The following NELL1 variants were observed in gnomAD, a reference collection of about 807,000 sequenced individuals.
NELL1 encodes the protein protein kinase C-binding protein NELL1.
Under a neutral mutation model 107.4 loss-of-function variants are expected in NELL1, and 76 were observed. The ratio of observed to expected loss-of-function variants is 0.71; its 90% confidence interval spans 0.59 to 0.86. NELL1 has a LOEUF of 0.86. Among genes scored for constraint, NELL1 ranks in the 40% least tolerant of loss-of-function variants. The pLI is 0.00. For synonymous variants in NELL1, 353 were observed against 341.2 expected, an observed-to-expected ratio of 1.03 and a Z score of -0.38; for missense variants, 1,024 against 1,005.5, an observed-to-expected ratio of 1.02 and a Z score of -0.25.
intron 13 of NELL1, among the ~76,000 whole-genome samples, chr11:21,160,345 A>G (rs1466235543): frequency 6.6e-6 from 1 of 152,088 alleles, no homozygotes; most frequent in Non-Finnish European, 1.5e-5. Flanking sequence ...ATGCCTGGGT[A>G]TTGTTTGAAA....
At chr11:21,404,484 AT>A (rs746477009) in intron 15 of NELL1, among the ~76,000 whole-genome samples, 217 of 152,054 alleles carry the variant, frequency 1.4e-3, no homozygotes, top group Non-Finnish European at 2.1e-3. Flanking sequence ...AGATTTCTAG[AT>A]TTTGATTTGG....
chr11:21,207,904 T>C (rs1324903459), intron 13 of NELL1, among the ~76,000 whole-genome samples: 1 of 152,164 alleles, frequency 6.6e-6, no homozygotes, highest in Non-Finnish European at 1.5e-5. Context: ...TTTTTAAAAA[T>C]AAATTTTGTT....
intron 14 of NELL1, among the ~76,000 whole-genome samples, chr11:21,250,314 G>T (rs1274481445): frequency 6.6e-6 from 1 of 152,160 alleles, no homozygotes; most frequent in Non-Finnish European, 1.5e-5. Context: ...TTGTATGAAT[G>T]CATATGTGGG....
chr11:20,673,019 C>T (rs7926814), intron 1 of NELL1, among the ~76,000 whole-genome samples: 2,323 of 148,082 alleles, frequency 0.016, 85 homozygotes, highest in African/African-American at 0.055. Flanking sequence ...TGCACCACCA[C>T]GCCTAGCTAA....
chr11:21,226,878 C>G (rs1857907018), intron 13 of NELL1, among the ~76,000 whole-genome samples: 1 of 152,200 alleles, frequency 6.6e-6, no homozygotes, highest in South Asian at 2.1e-4. Flanking sequence ...GGCAGATAAA[C>G]CAACTACATT....
intron 3 of NELL1, among the ~76,000 whole-genome samples, chr11:20,797,316 G>A (rs1284812676): frequency 6.6e-6 from 1 of 152,102 alleles, no homozygotes; most frequent in Non-Finnish European, 1.5e-5. Context: ...TGTAATCCCA[G>A]CACTTTGGGA....
At chr11:21,479,388 A>T (rs1345357702) in intron 15 of NELL1, among the ~76,000 whole-genome samples, 1 of 152,178 alleles carries the variant, frequency 6.6e-6, no homozygotes, top group Non-Finnish European at 1.5e-5. Context: ...CATTTGCAAC[A>T]ACATGGATAG....
chr11:21,133,114 T>C (rs1855662863), intron 13 of NELL1, among the ~76,000 whole-genome samples: 1 of 152,052 alleles, frequency 6.6e-6, no homozygotes, highest in Non-Finnish European at 1.5e-5. Flanking sequence ...TCCCAACAAG[T>C]GTCCAGCTTA....
Position 21,413,963 on chromosome 11 carries a change from G to A in NELL1, c.1645+43015G>A, listed in dbSNP as rs370632001. On this transcript the variant is annotated intron_variant, in intron 15 of 19. Transcript: ENST00000357134. ...ATAATAGAATGATCAAGATTTTTTT[G>A]TTGTTCACAATGGTAGTAAAATCTT... Among the ~76,000 whole-genome samples the A allele has an allele frequency of 5.9e-4, 89 of 152,018 alleles. 1 individual carries two copies. Among genetic ancestry groups the A allele is most frequent in the African/African-American group, 2.0e-3 (85 of 41,498 alleles).
chr11:20,868,788 G>A (rs1849142897), intron 4 of NELL1, among the ~76,000 whole-genome samples: 1 of 151,934 alleles, frequency 6.6e-6, no homozygotes, highest in Admixed American at 6.6e-5. Context: ...CCTCATAAAA[G>A]TATTAAATTT....
chr11:20,751,667 CTT>C (rs1856143344), intron 2 of NELL1, among the ~76,000 whole-genome samples: 1 of 149,940 alleles, frequency 6.7e-6, no homozygotes, highest in African/African-American at 2.4e-5. Context: ...AAAAAAAACT[CTT>C]TTTAGAGATG....
intron 13 of NELL1, among the ~76,000 whole-genome samples, chr11:21,166,426 A>G (rs1479895353): frequency 6.6e-6 from 1 of 151,868 alleles, no homozygotes; most frequent in African/African-American, 2.4e-5. Context: ...AAATGACTAA[A>G]TTTTAAAAGT....
At chr11:21,267,508 C>T (rs778849500) in intron 14 of NELL1, among the ~76,000 whole-genome samples, 101 of 151,992 alleles carry the variant, frequency 6.6e-4, no homozygotes, top group African/African-American at 2.1e-3. Context: ...AATGCTTTTG[C>T]GAGTATGATC....
chr11:20,958,589 G>A (rs1223179415), intron 11 of NELL1, among the ~76,000 whole-genome samples: 4 of 152,156 alleles, frequency 2.6e-5, no homozygotes, highest in East Asian at 1.9e-4. Context: ...TAAAATAACC[G>A]TATACCCAGT....
At chr11:21,320,972 C>T (rs547518583) in intron 14 of NELL1, among the ~76,000 whole-genome samples, 19 of 152,234 alleles carry the variant, frequency 1.2e-4, no homozygotes, top group African/African-American at 4.1e-4. Context: ...CAAATGTGTG[C>T]CTGGAGGAAG....
At position 21,565,736 on chromosome 11, in the gene NELL1, G is replaced by A. The variant is rs1591041346; in HGVS notation, c.1981-5028G>A. On this transcript the variant is annotated intron_variant, in intron 17 of 19. Coordinates refer to ENST00000357134, the MANE Select transcript of NELL1 (RefSeq NM_006157.5). ...GGGATAAGTTTCTGTTTTGTTATTA[G>A]TTTTCTACATGGAAAAGGCATTTGC... Among the ~76,000 whole-genome samples, 3 of 152,020 alleles carry A rather than the reference G, an allele frequency of 2.0e-5. No homozygotes were observed. In the South Asian group the frequency reaches 6.2e-4, roughly 32 times the overall value.
At chr11:21,069,591 G>C (rs530672900) in intron 12 of NELL1, among the ~76,000 whole-genome samples, 5 of 152,282 alleles carry the variant, frequency 3.3e-5, no homozygotes, top group African/African-American at 1.2e-4. Context: ...TGTTTGACCT[G>C]ATGTCATCTA....
intron 12 of NELL1, among the ~76,000 whole-genome samples, chr11:20,971,956 A>G (rs1851509724): frequency 6.6e-6 from 1 of 151,208 alleles, no homozygotes; most frequent in Admixed American, 6.6e-5. Flanking sequence ...GTTCTCACTC[A>G]TAAGTGGGAG....
At chr11:21,378,299 T>C (rs1421567561) in intron 15 of NELL1, among the ~76,000 whole-genome samples, 1 of 150,076 alleles carries the variant, frequency 6.7e-6, no homozygotes, top group Non-Finnish European at 1.5e-5. Flanking sequence ...TAGATAATCA[T>C]GTCTCAGTGT....
Sources: gnomAD v4.1 joint callset for allele counts (sites outside exome capture counted in the v4.1 genomes callset) on GRCh38, gnomAD v4.1.1 for gene constraint, MANE v1.5 for transcripts, NCBI Gene and HGNC (gene_info 2026-07-23, HGNC 2026-07-21) for gene names.